WDFY3: variants seen among roughly 807,000 people sequenced by gnomAD.
The protein encoded by WDFY3 is WD repeat and FYVE domain containing 3, also known as WD repeat and FYVE domain-containing protein 3.
Under a neutral mutation model 409.6 loss-of-function variants are expected in WDFY3, and 66 were observed. The ratio of observed to expected loss-of-function variants is 0.16; its 90% confidence interval spans 0.13 to 0.20. WDFY3 has a LOEUF of 0.20. WDFY3 is among the 10% of genes least tolerant of loss of function. WDFY3 has a pLI of 1.00. For missense variants in WDFY3, 3,031 were observed against 4,298.1 expected (o/e 0.71, Z 8.24); for synonymous variants, 1,521 against 1,537.1 (o/e 0.99, Z 0.25).
chr4:84,959,136 G>C (rs1774605491), intron 1 of WDFY3, among the ~76,000 whole-genome samples: 1 of 152,096 alleles, frequency 6.6e-6, no homozygotes, highest in Non-Finnish European at 1.5e-5. Flanking sequence ...CTAACAGACA[G>C]CAGACACTCA....
intron 35 of WDFY3, among the ~76,000 whole-genome samples, chr4:84,752,161 A>C (rs934947327): frequency 3.3e-5 from 5 of 152,042 alleles, no homozygotes; most frequent in Non-Finnish European, 4.4e-5. Context: ...TAAAAAAAAA[A>C]CAACAATATT....
intron 4 of WDFY3, among the ~76,000 whole-genome samples, chr4:84,851,880 TTAAG>T (rs1408760409): frequency 6.6e-5 from 10 of 151,176 alleles, no homozygotes; most frequent in Middle Eastern, 3.4e-3. Context: ...GTGATAAAGT[TTAAG>T]TAATAAATTA....
At chr4:84,961,000 A>G (rs1287573457) in intron 1 of WDFY3, among the ~76,000 whole-genome samples, 2 of 152,080 alleles carry the variant, frequency 1.3e-5, no homozygotes, top group Non-Finnish European at 2.9e-5. Context: ...GCGGATCACA[A>G]GGTCAGGAAT....
intron 3 of WDFY3, among the ~76,000 whole-genome samples, chr4:84,873,664 G>GA (rs912715599): frequency 5.9e-5 from 9 of 151,920 alleles, no homozygotes; most frequent in Non-Finnish European, 1.2e-4. Context: ...TATTGAAACT[G>GA]AAAAAAACAG....
intron 2 of WDFY3, among the ~76,000 whole-genome samples, chr4:84,921,579 A>G (rs1561080882): frequency 6.7e-6 from 1 of 149,070 alleles, no homozygotes; most frequent in Non-Finnish European, 1.5e-5. Context: ...TGAGGACAGT[A>G]TTATTCATAA....
intron 12 of WDFY3, 85 bp from the exon 13 acceptor site, chr4:84,817,670 T>G (rs553118196): frequency 8.0e-7 from 1 of 1,246,928 alleles, no homozygotes; most frequent in South Asian, 1.5e-5. Context: ...AGTTATTTTT[T>G]GTAGGTAAAG....
At chr4:84,846,571 G>A (rs1392695125) in intron 5 of WDFY3, among the ~76,000 whole-genome samples, 1 of 148,702 alleles carries the variant, frequency 6.7e-6, no homozygotes, top group Non-Finnish European at 1.5e-5. Context: ...ACAGAGGCAA[G>A]TATAAATAAG....
At chr4:84,872,337 C>G (rs1240816523) in intron 3 of WDFY3, among the ~76,000 whole-genome samples, 1 of 151,768 alleles carries the variant, frequency 6.6e-6, no homozygotes, top group Admixed American at 6.6e-5. Flanking sequence ...TGGTGGAGGG[C>G]GCCTATGGTC....
chr4:84,722,686 A>C (rs2149093527), intron 46 of WDFY3, among the ~76,000 whole-genome samples: 1 of 152,336 alleles, frequency 6.6e-6, no homozygotes, highest in South Asian at 2.1e-4. Context: ...GAAGTCCTTA[A>C]AATGCATGCC....
At chr4:84,844,591 C>G in intron 5 of WDFY3, 3 of 1,148,436 alleles carry the variant, frequency 2.6e-6, no homozygotes, top group Non-Finnish European at 3.5e-6. Flanking sequence ...CTGGGGTCAA[C>G]ATCATCCAGT....
At position 84,809,936 on chromosome 4, in the gene WDFY3, T is replaced by G. The variant is rs1752208149; in HGVS notation, c.2296A>C (p.Ser766Arg). The G allele has an allele frequency of 3.1e-6, 5 of 1,614,160 alleles. No homozygotes were observed. Among genetic ancestry groups the G allele is most frequent in the Non-Finnish European group, 4.2e-6 (5 of 1,179,998 alleles). ...TTGTAAAGATAAATAAAAAGTTTACTGCAGTGCCGTAACGTGGGTGACACT... is the reference window on the plus strand; with the variant it reads ...TTGTAAAGATAAATAAAAAGTTTACGGCAGTGCCGTAACGTGGGTGACACT... ...ESVSPTLRHC[S>R]KLFIYLYKVA... The change falls in exon 14 of 68, where the codon AGT becomes CGT. Residue 766 changes from serine (S) to arginine (R), a missense_variant. Coordinates refer to ENST00000295888, the MANE Select transcript of WDFY3 (RefSeq NM_014991.6).
intron 3 of WDFY3, among the ~76,000 whole-genome samples, chr4:84,861,066 T>C (rs962328180): frequency 2.0e-5 from 3 of 151,886 alleles, no homozygotes; most frequent in Non-Finnish European, 4.4e-5. Flanking sequence ...CAAAAATTAG[T>C]CAGGTATGGT....
chr4:84,759,568 T>C (rs1400783168), intron 32 of WDFY3, among the ~76,000 whole-genome samples: 1 of 150,558 alleles, frequency 6.6e-6, no homozygotes, highest in Non-Finnish European at 1.5e-5. Flanking sequence ...TTGAAGCAAT[T>C]GTGAATGGGA....
intron 36 of WDFY3, 94 bp from the exon 37 acceptor site, chr4:84,743,893 A>T (rs1560644429): frequency 2.7e-6 from 2 of 740,430 alleles, no homozygotes; most frequent in Middle Eastern, 4.5e-4. Context: ...TAAAAAGATT[A>T]AAAAATTCTA....
chr4:84,916,939 T>C lies in WDFY3; in HGVS notation c.-132+15331A>G, dbSNP rs543064597. Among the ~76,000 whole-genome samples the C allele has an allele frequency of 2.3e-3, 350 of 152,196 alleles. 2 individuals are homozygous for C. Among genetic ancestry groups the C allele is most frequent in the African/African-American group, 8.1e-3 (337 of 41,518 alleles). On this transcript the variant is annotated intron_variant, in intron 2 of 67. Coordinates refer to ENST00000295888, the MANE Select transcript of WDFY3 (RefSeq NM_014991.6). ...GTTTGCTGGCTCTCCTCTAATAACA[T>C]TAAACCATGAAAAAGAGATGAATAG...
At chr4:84,766,583 A>C (rs1481765513) in intron 30 of WDFY3, among the ~76,000 whole-genome samples, 1 of 152,172 alleles carries the variant, frequency 6.6e-6, no homozygotes, top group African/African-American at 2.4e-5. Flanking sequence ...ACATTTCCTA[A>C]ACTACTGATA....
At chr4:84,854,898 C>G (rs955386085) in intron 4 of WDFY3, among the ~76,000 whole-genome samples, 1 of 152,090 alleles carries the variant, frequency 6.6e-6, no homozygotes, top group Non-Finnish European at 1.5e-5. Flanking sequence ...AACAACAGAG[C>G]CAGACTTGGT....
chr4:84,751,360 C>G, intron 36 of WDFY3, 123 bp downstream of exon 36: 1 of 1,007,252 alleles, frequency 9.9e-7, no homozygotes, highest in Non-Finnish European at 1.5e-6. Context: ...CAGCCTATAA[C>G]ATGTTCTGCC....
At chr4:84,758,426 T>A (rs534386167) in intron 32 of WDFY3, among the ~76,000 whole-genome samples, 4 of 152,210 alleles carry the variant, frequency 2.6e-5, no homozygotes, top group Admixed American at 6.5e-5. Context: ...AAAAAATTTT[T>A]TGGTAGAGAC....
Sources: gnomAD v4.1 joint callset for allele counts (sites outside exome capture counted in the v4.1 genomes callset) on GRCh38, gnomAD v4.1.1 for gene constraint, MANE v1.5 for transcripts, NCBI Gene and HGNC (gene_info 2026-07-23, HGNC 2026-07-21) for gene names.